SLC29A3: variants seen among roughly 807,000 people sequenced by gnomAD.
SLC29A3 encodes the protein equilibrative nucleoside transporter 3.
Under a neutral mutation model 25.4 loss-of-function variants are expected in SLC29A3, and 18 were observed. That is an observed-to-expected ratio of 0.71 (90% CI 0.49 to 1.05). SLC29A3 has a LOEUF of 1.05. Ranked by LOEUF, SLC29A3 falls within the 50% of genes least tolerant of loss-of-function variation. The probability of loss-of-function intolerance (pLI) is 0.00; values close to 1 mark genes in which losing one functional copy is unlikely to be tolerated. For missense variants in SLC29A3, 586 were observed against 609.0 expected (o/e 0.96, Z 0.40); for synonymous variants, 258 against 267.1 (o/e 0.97, Z 0.33).
exon 5 of SLC29A3, chr10:71,380,392 C>G (rs1228292967): frequency 6.6e-6 from 1 of 152,190 alleles, no homozygotes; most frequent in Non-Finnish European, 1.5e-5. Context: ...TTTTACCTCT[C>G]AGAGCCTTAT....
chr10:71,337,089 G>C (rs1564530632), intron 2 of SLC29A3, among the ~76,000 whole-genome samples: 1 of 152,156 alleles, frequency 6.6e-6, no homozygotes, highest in Non-Finnish European at 1.5e-5. Flanking sequence ...TGGGCCTCTG[G>C]CCTCCCCTTC....
Position 71,359,512 on chromosome 10 carries a change from C to T in SLC29A3, c.774-2442C>T, listed in dbSNP as rs182164145. Reference sequence around the variant, plus strand: ...GAGGGGAAGTAAGAATATTCCTTTCCGTAGATAGCGATTGTGAAACCAGAC... The same window carrying T: ...GAGGGGAAGTAAGAATATTCCTTTCTGTAGATAGCGATTGTGAAACCAGAC... On this transcript the variant is annotated intron_variant, in intron 5 of 5. Coordinates refer to ENST00000373189, the MANE Select transcript of SLC29A3 (RefSeq NM_018344.6). 1.4e-3 allele frequency among the ~76,000 whole-genome samples: 217 copies of T among 152,304 alleles called. 1 individual carries two copies. Among genetic ancestry groups the T allele is most frequent in the Middle Eastern group, 6.8e-3 (2 of 294 alleles).
At chr10:71,319,363 ACT>A (rs1845792398) in intron 1 of SLC29A3, 53 bp downstream of exon 1, 2 of 607,590 alleles carry the variant, frequency 3.3e-6, no homozygotes, top group Admixed American at 2.8e-5. Flanking sequence ...CCGCCCCCAG[ACT>A]CGCGCTCAGC....
intron 2 of SLC29A3, among the ~76,000 whole-genome samples, chr10:71,336,348 C>A (rs976652410): frequency 6.6e-6 from 1 of 152,088 alleles, no homozygotes; most frequent in African/African-American, 2.4e-5. Context: ...GAATTCAGCC[C>A]CCTCTAGACG....
rs750649355 is a variant in SLC29A3, at chr10:71,360,069, G to A, written c.774-1885G>A. Among the ~76,000 whole-genome samples, 16 of 151,388 alleles carry A rather than the reference G, an allele frequency of 1.1e-4. 1 individual carries two copies. The South Asian group carries it at 1.5e-3, about 14-fold the overall frequency. On this transcript the variant is annotated intron_variant, in intron 5 of 5. Transcript: ENST00000373189. ...CAGTTATGTGTTGAAGGGCTACTCC[G>A]TGCCTGAAGATTTAGCTGGAAACAG...
At chr10:71,351,465 G>A (rs1846755552) in intron 3 of SLC29A3, 97 bp from the exon 4 acceptor site, 2 of 1,060,734 alleles carry the variant, frequency 1.9e-6, no homozygotes, top group Non-Finnish European at 2.8e-6. Flanking sequence ...AGTCCTAACT[G>A]CTAAGCTCGC....
Position 71,319,319 on chromosome 10 carries a change from G to T in SLC29A3, c.1+9G>T, listed in dbSNP as rs1318048159. ...GTGGCGCAGCGGCGACAGTAAGTGCGGGCCGGCTCGGGCTCTTCCGGCTAC... is the reference window on the plus strand; with the variant it reads ...GTGGCGCAGCGGCGACAGTAAGTGCTGGCCGGCTCGGGCTCTTCCGGCTAC... On this transcript the variant is annotated intron_variant, in intron 1 of 5. Transcript: ENST00000373189. 7.7e-6 allele frequency: 5 copies of T among 646,300 alleles called. No homozygotes were observed. Among genetic ancestry groups the T allele is most frequent in the Non-Finnish European group, 8.3e-6 (3 of 359,852 alleles). 40.0% of individuals were successfully genotyped at this position (646,300 alleles called of 1,614,324 possible).
exon 5 of SLC29A3, chr10:71,380,043 A>G (rs1008372172): frequency 1.3e-5 from 2 of 152,378 alleles, no homozygotes; most frequent in Admixed American, 1.3e-4. Flanking sequence ...TCCGAGGGAC[A>G]CTAGAAGGGA....
chr10:71,368,426 C>T (rs978738057), intron 3 of SLC29A3, among the ~76,000 whole-genome samples: 7 of 152,176 alleles, frequency 4.6e-5, no homozygotes, highest in Non-Finnish European at 7.3e-5. Context: ...GTACCCTGTA[C>T]CCAGTGCTCA....
At chr10:71,344,362 C>A in intron 3 of SLC29A3, 71 bp downstream of exon 3, 2 of 1,224,690 alleles carry the variant, frequency 1.6e-6, no homozygotes, top group Non-Finnish European at 2.4e-6. Context: ...CTCTTGCCTG[C>A]AGCTGCTTTT....
intron 3 of SLC29A3, among the ~76,000 whole-genome samples, chr10:71,347,044 C>T (rs1846607470): frequency 6.6e-6 from 1 of 152,078 alleles, no homozygotes; most frequent in Non-Finnish European, 1.5e-5. Flanking sequence ...GGAGAGGGGG[C>T]AAGGGCAATG....
At chr10:71,356,283 A>G in intron 5 of SLC29A3, 40 bp downstream of exon 5, 1 of 1,607,110 alleles carries the variant, frequency 6.2e-7, no homozygotes, top group Non-Finnish European at 8.5e-7. Context: ...CTTCCTGTGT[A>G]TCCAGTTATA....
rs147015207 is a variant in SLC29A3 at position 71,356,170 on chromosome 10, T to C, written c.700T>C (p.Phe234Leu). The C allele has an allele frequency of 5.1e-5, 83 of 1,614,140 alleles. No individual in the cohort carries two copies. In the East Asian group the frequency reaches 1.8e-3, roughly 35 times the overall value. ...SDVRNSALAF[F>L]LTATVFLVLC... ...TGTGAGGAACAGCGCCCTGGCCTTC[T>C]TCCTGACGGCCACTGTCTTCCTCGT... The change falls in exon 5 of 6, where the codon TTC becomes CTC. Residue 234 changes from phenylalanine to leucine, a missense_variant. By Grantham distance (22) the Phe-to-Leu change is conservative. Coordinates refer to ENST00000373189, the MANE Select transcript of SLC29A3 (RefSeq NM_018344.6).
intron 3 of SLC29A3, among the ~76,000 whole-genome samples, chr10:71,350,460 A>G (rs1041899476): frequency 3.3e-5 from 5 of 152,078 alleles, no homozygotes; most frequent in Non-Finnish European, 7.4e-5. Flanking sequence ...CTACACATCC[A>G]ATCCGGTTTA....
At chr10:71,365,708 T>C (rs1013473834), downstream of SLC29A3, 18 of 151,818 alleles carry the variant, frequency 1.2e-4, no homozygotes, top group African/African-American at 4.4e-4. Context: ...GAAGGGTGGA[T>C]GGGGGAGTTC....
rs1660979311 is a variant in SLC29A3, at chr10:71,331,215, C to A, written c.300+8161C>A. Among the ~76,000 whole-genome samples the A allele has an allele frequency of 2.0e-5, 3 of 152,126 alleles. No homozygotes were observed. In the South Asian group the frequency reaches 6.2e-4, roughly 32 times the overall value. On this transcript the variant is annotated intron_variant, in intron 2 of 5. Transcript: ENST00000373189. Reference sequence around the variant, plus strand: ...CAACAGTGGCAGTGCTGGTTGTAAGCCATGCAGGATGAGGATGGAAAGTTT... The same window carrying A: ...CAACAGTGGCAGTGCTGGTTGTAAGACATGCAGGATGAGGATGGAAAGTTT...
intron 4 of SLC29A3, among the ~76,000 whole-genome samples, chr10:71,355,419 G>C (rs1302835825): frequency 6.6e-6 from 1 of 152,254 alleles, no homozygotes; most frequent in Non-Finnish European, 1.5e-5. Flanking sequence ...TTGCGTGCTT[G>C]TGTGTGCATG....
intron 3 of SLC29A3, among the ~76,000 whole-genome samples, chr10:71,370,495 A>G (rs184704768): frequency 1.3e-5 from 2 of 152,288 alleles, no homozygotes; most frequent in Admixed American, 1.3e-4. Context: ...GAACGTCCTC[A>G]GTGCTGTCCT....
At chr10:71,334,113 G>A (rs1290170813) in intron 2 of SLC29A3, among the ~76,000 whole-genome samples, 1 of 152,208 alleles carries the variant, frequency 6.6e-6, no homozygotes, top group East Asian at 1.9e-4. Context: ...TTTCAAACTT[G>A]CTGGGTGACT....
Sources: allele counts gnomAD v4.1 joint callset (sites outside exome capture counted in the v4.1 genomes callset), GRCh38; gene constraint gnomAD v4.1.1; transcripts MANE v1.5; gene names NCBI Gene and HGNC (gene_info 2026-07-23, HGNC 2026-07-21).